TIAM1: variants seen among roughly 807,000 people sequenced by gnomAD.
The protein encoded by TIAM1 is rho guanine nucleotide exchange factor TIAM1.
Under a neutral mutation model 163.5 loss-of-function variants are expected in TIAM1, and 65 were observed. The observed-to-expected ratio is 0.40, with a 90% CI of 0.33 to 0.49. The LOEUF (loss-of-function observed/expected upper bound fraction) is 0.49. TIAM1 is among the 20% of genes least tolerant of loss of function. TIAM1 has a pLI of 0.77. For synonymous variants in TIAM1, 833 were observed against 810.1 expected (o/e 1.03, Z -0.48); for missense variants, 1,789 against 2,044.7 (o/e 0.87, Z 2.41).
chr21:31,148,964 T>C (rs201144162), intron 19 of TIAM1, among the ~76,000 whole-genome samples: 5 of 24,620 alleles, frequency 2.0e-4, no homozygotes, highest in South Asian at 1.6e-3. Context: ...TTCTTTTTCT[T>C]TTTTTTTTGG....
At chr21:31,249,860 A>G (rs2071698247) in intron 5 of TIAM1, among the ~76,000 whole-genome samples, 1 of 152,208 alleles carries the variant, frequency 6.6e-6, no homozygotes, top group African/African-American at 2.4e-5. Flanking sequence ...AAAATCATCA[A>G]AAGATAATGT....
At chr21:31,385,645 G>A (rs576826694) in intron 2 of TIAM1, among the ~76,000 whole-genome samples, 1 of 150,908 alleles carries the variant, frequency 6.6e-6, no homozygotes, top group Non-Finnish European at 1.5e-5. Flanking sequence ...AAATAATAAG[G>A]GGGTAATGTA....
chr21:31,355,769 C>T (rs2147125151), intron 2 of TIAM1, among the ~76,000 whole-genome samples: 1 of 152,222 alleles, frequency 6.6e-6, no homozygotes. Flanking sequence ...CCAGGCTGGT[C>T]TCAAACTGCT....
chr21:31,374,278 G>A (rs73902322), intron 2 of TIAM1, among the ~76,000 whole-genome samples: 8,115 of 152,212 alleles, frequency 0.053, 526 homozygotes, highest in African/African-American at 0.15. Flanking sequence ...CTGGTAAGAA[G>A]AGGATGGGAA....
chr21:31,483,870 T>A (rs2046190750), intron 1 of TIAM1, among the ~76,000 whole-genome samples: 1 of 151,994 alleles, frequency 6.6e-6, no homozygotes, highest in Non-Finnish European at 1.5e-5. Context: ...ACCAAGTCAT[T>A]ATGGAACCCT....
At chr21:31,439,457 T>C (rs1602281918) in intron 2 of TIAM1, among the ~76,000 whole-genome samples, 1 of 152,254 alleles carries the variant, frequency 6.6e-6, no homozygotes, top group African/African-American at 2.4e-5. Flanking sequence ...GTCCAGCTAA[T>C]TTTTGTATTT....
intron 15 of TIAM1, among the ~76,000 whole-genome samples, chr21:31,166,358 T>C (rs982391264): frequency 3.9e-5 from 6 of 152,170 alleles, no homozygotes; most frequent in Non-Finnish European, 7.4e-5. Flanking sequence ...GAGCCCCTGA[T>C]GCTTTAGATG....
At chr21:31,155,843 C>T (rs575908481) in intron 16 of TIAM1, among the ~76,000 whole-genome samples, 5 of 152,302 alleles carry the variant, frequency 3.3e-5, no homozygotes, top group African/African-American at 1.2e-4. Flanking sequence ...TCTCACGCTT[C>T]TCTCTCTGCT....
upstream of TIAM1, among the ~76,000 whole-genome samples, chr21:31,346,129 A>G (rs1269080259): frequency 6.6e-6 from 1 of 151,982 alleles, no homozygotes; most frequent in Non-Finnish European, 1.5e-5. Flanking sequence ...ATGCTGCTCT[A>G]CATCCTATCA....
At chr21:31,256,177 T>C (rs1213900215) in intron 4 of TIAM1, among the ~76,000 whole-genome samples, 2 of 152,194 alleles carry the variant, frequency 1.3e-5, no homozygotes, top group African/African-American at 4.8e-5. Context: ...CACATTGTGG[T>C]AAGGCTCCAG....
At chr21:31,418,804 A>T (rs1360206564) in intron 2 of TIAM1, among the ~76,000 whole-genome samples, 1 of 152,194 alleles carries the variant, frequency 6.6e-6, no homozygotes, top group Non-Finnish European at 1.5e-5. Context: ...CTTTGCACAG[A>T]ATCAGCTTCA....
intron 6 of TIAM1, among the ~76,000 whole-genome samples, chr21:31,229,782 A>G (rs533119037): frequency 6.6e-6 from 1 of 152,094 alleles, no homozygotes; most frequent in Non-Finnish European, 1.5e-5. Flanking sequence ...CCTCCCGAGC[A>G]GTTGGAATTA....
chr21:31,519,082 G>A (rs1471147276), intron 1 of TIAM1, among the ~76,000 whole-genome samples: 1 of 152,054 alleles, frequency 6.6e-6, no homozygotes, highest in Non-Finnish European at 1.5e-5. Context: ...GCTGAGGCGG[G>A]CAGATCACCT....
chr21:31,386,813 G>T (rs1014262220), intron 2 of TIAM1, among the ~76,000 whole-genome samples: 2 of 152,188 alleles, frequency 1.3e-5, no homozygotes, highest in African/African-American at 2.4e-5. Context: ...ATCCATAAAT[G>T]GCTTTTGCTA....
chr21:31,329,571 C>T (rs771254618), intron 2 of TIAM1, among the ~76,000 whole-genome samples: 6 of 152,202 alleles, frequency 3.9e-5, no homozygotes, highest in Non-Finnish European at 7.3e-5. Flanking sequence ...CCATATGAAT[C>T]AGCTCACCAG....
chr21:31,316,675 C>A (rs1436160212), intron 2 of TIAM1, among the ~76,000 whole-genome samples: 1 of 152,214 alleles, frequency 6.6e-6, no homozygotes, highest in East Asian at 1.9e-4. Flanking sequence ...TTCGCAACTA[C>A]AGCAAACTTC....
intron 6 of TIAM1, among the ~76,000 whole-genome samples, chr21:31,234,512 G>A (rs2088634844): frequency 6.6e-6 from 1 of 152,030 alleles, no homozygotes; most frequent in African/African-American, 2.4e-5. Context: ...AAGGTGCAGT[G>A]GCTTAAACCT....
intron 2 of TIAM1, among the ~76,000 whole-genome samples, chr21:31,373,065 AAAAGAAAAG>A (rs1420377016): frequency 1.4e-5 from 2 of 143,842 alleles, no homozygotes; most frequent in Non-Finnish European, 3.0e-5. Flanking sequence ...CAAAAAAAAA[AAAAGAAAAG>A]AAAAGAAAAG....
chr21:31,225,031 T>C (rs1569061271), intron 7 of TIAM1, among the ~76,000 whole-genome samples: 1 of 152,104 alleles, frequency 6.6e-6, no homozygotes, highest in African/African-American at 2.4e-5. Flanking sequence ...TATATATCTA[T>C]ATATATAGAG....
Sources: gnomAD v4.1 joint callset for allele counts (sites outside exome capture counted in the v4.1 genomes callset) on GRCh38, gnomAD v4.1.1 for gene constraint, MANE v1.5 for transcripts, NCBI Gene and HGNC (gene_info 2026-07-23, HGNC 2026-07-21) for gene names.